Variants in MCCC1 observed in about 807,000 individuals in gnomAD.
The protein encoded by MCCC1 is methylcrotonoyl-CoA carboxylase subunit alpha, mitochondrial.
A neutral mutation model predicts 83.8 loss-of-function variants in MCCC1; 64 were observed. The observed-to-expected ratio is 0.76, with a 90% CI of 0.62 to 0.94. The LOEUF (loss-of-function observed/expected upper bound fraction) is 0.94, where lower values mean the gene tolerates loss of function less well. Ranked by LOEUF, MCCC1 falls within the 40% of genes least tolerant of loss-of-function variation. The pLI, the probability that MCCC1 is intolerant of heterozygous loss-of-function variation, is 0.00. For synonymous variants in MCCC1, 322 were observed against 315.4 expected, an observed-to-expected ratio of 1.02 and a Z score of -0.22; for missense variants, 807 against 904.7, an observed-to-expected ratio of 0.89 and a Z score of 1.39.
intron 9 of MCCC1, among the ~76,000 whole-genome samples, chr3:183,050,649 T>G (rs1252026503): frequency 7.5e-6 from 1 of 133,054 alleles, no homozygotes; most frequent in Non-Finnish European, 1.5e-5. Context: ...GAGGTTGCAG[T>G]GAGCCGAGAT....
intron 10 of MCCC1, among the ~76,000 whole-genome samples, chr3:183,045,130 G>C (rs1363492643): frequency 6.6e-6 from 1 of 151,006 alleles, no homozygotes; most frequent in Non-Finnish European, 1.5e-5. Context: ...ACCCAGGCTG[G>C]AATGCAGTGG....
chr3:183,086,106 C>A (rs1717874526), intron 4 of MCCC1, among the ~76,000 whole-genome samples: 1 of 152,214 alleles, frequency 6.6e-6, no homozygotes, highest in South Asian at 2.1e-4. Context: ...GGAACTAATT[C>A]CTAAACTAAG....
intron 1 of MCCC1, 161 bp downstream of exon 1, chr3:183,099,191 G>A: frequency 1.3e-6 from 1 of 755,502 alleles, no homozygotes; most frequent in Non-Finnish European, 2.2e-6. Context: ...TCTTCCTCCC[G>A]ACGCCGTGAC....
chr3:183,021,120 C>T (rs1428815306), intron 16 of MCCC1, among the ~76,000 whole-genome samples: 1 of 152,146 alleles, frequency 6.6e-6, no homozygotes, highest in Non-Finnish European at 1.5e-5. Flanking sequence ...GTCTGGAAGC[C>T]ATTTTCAGTA....
intron 4 of MCCC1, among the ~76,000 whole-genome samples, chr3:183,081,312 G>C (rs1468998267): frequency 1.3e-5 from 2 of 152,078 alleles, no homozygotes. Context: ...TGTTGAGATT[G>C]TTCATTGCAC....
chr3:183,065,281 T>C (rs548551416), intron 7 of MCCC1, among the ~76,000 whole-genome samples: 4 of 152,212 alleles, frequency 2.6e-5, no homozygotes, highest in Non-Finnish European at 5.9e-5. Context: ...CTTGTAACCA[T>C]GTGGCCTAGC....
intron 4 of MCCC1, among the ~76,000 whole-genome samples, chr3:183,079,140 T>C (rs939434115): frequency 6.6e-6 from 1 of 152,130 alleles, no homozygotes; most frequent in African/African-American, 2.4e-5. Flanking sequence ...TCCTCATCCC[T>C]CCTAAATCTC....
intron 1 of MCCC1, chr3:183,099,021 G>A: frequency 2.0e-6 from 1 of 496,902 alleles, no homozygotes; most frequent in Non-Finnish European, 3.7e-6. Flanking sequence ...CCTAAGGGGT[G>A]CTGCGAAAGC....
chr3:183,020,933 G>A (rs113125981), intron 16 of MCCC1, among the ~76,000 whole-genome samples: 7,884 of 151,976 alleles, frequency 0.052, 686 homozygotes, highest in African/African-American at 0.18. Flanking sequence ...GGTGGCGGGC[G>A]CCTGCAGTCC....
intron 8 of MCCC1, among the ~76,000 whole-genome samples, chr3:183,053,479 C>T (rs760832526): frequency 1.3e-5 from 2 of 151,878 alleles, no homozygotes; most frequent in African/African-American, 2.4e-5. Context: ...TACAGCAAGA[C>T]CCCATCTCAA....
At chr3:183,054,422 C>T (rs1240055497) in intron 8 of MCCC1, among the ~76,000 whole-genome samples, 5 of 150,468 alleles carry the variant, frequency 3.3e-5, no homozygotes, top group Middle Eastern at 3.3e-3. Context: ...CTCCTGACCT[C>T]GTGATTCACC....
chr3:183,101,937 G>A (rs1050230892), upstream of MCCC1, among the ~76,000 whole-genome samples: 4 of 151,970 alleles, frequency 2.6e-5, no homozygotes, highest in Non-Finnish European at 5.9e-5. Context: ...CTTCACTCCT[G>A]AGCCAGTGAG....
At chr3:183,035,296 A>T (rs2108465756) in intron 13 of MCCC1, among the ~76,000 whole-genome samples, 1 of 152,352 alleles carries the variant, frequency 6.6e-6, no homozygotes, top group African/African-American at 2.4e-5. Flanking sequence ...TCAATGTAAA[A>T]GGATAAAATG....
intron 15 of MCCC1, among the ~76,000 whole-genome samples, chr3:183,025,139 A>G (rs1297130920): frequency 6.6e-6 from 1 of 152,114 alleles, no homozygotes; most frequent in African/African-American, 2.4e-5. Context: ...TTCTCAGGGG[A>G]TGGGGGAAGA....
chr3:183,045,665 T>C (rs1001550051), intron 9 of MCCC1, 125 bp from the exon 10 acceptor site: 3 of 1,004,560 alleles, frequency 3.0e-6, no homozygotes, highest in Non-Finnish European at 4.6e-6. Context: ...TTGCATTTCA[T>C]GAAGAAAACA....
intron 1 of MCCC1, chr3:183,099,148 A>C: frequency 1.6e-6 from 1 of 620,372 alleles, no homozygotes; most frequent in Non-Finnish European, 2.9e-6. Context: ...GGATGTGCGG[A>C]AGCGGGGAGA....
rs144923427 is a variant in MCCC1, at chr3:183,091,834, T to C, written c.273+575A>G. Among the ~76,000 whole-genome samples the C allele has an allele frequency of 4.8e-3, 734 of 152,100 alleles. 4 individuals are homozygous for C. Among genetic ancestry groups the C allele is most frequent in the African/African-American group, 0.016 (682 of 41,490 alleles). Reference sequence around the variant, plus strand: ...TGGGCGGATCACGAGGTCAGCAGATTGAGACCATCCTGGCTAACACGGTGA... The same window carrying C: ...TGGGCGGATCACGAGGTCAGCAGATCGAGACCATCCTGGCTAACACGGTGA... On this transcript the variant is annotated intron_variant, in intron 3 of 18. Transcript: ENST00000265594.
At chr3:183,058,336 C>T (rs181901404) in intron 7 of MCCC1, among the ~76,000 whole-genome samples, 280 of 152,208 alleles carry the variant, frequency 1.8e-3, no homozygotes, top group African/African-American at 5.6e-3. Context: ...AAAAAAGGGC[C>T]GGGCACAGTG....
intron 4 of MCCC1, among the ~76,000 whole-genome samples, chr3:183,077,793 A>G (rs908754506): frequency 3.3e-5 from 5 of 152,108 alleles, no homozygotes; most frequent in Admixed American, 2.0e-4. Context: ...TTAAGGTGTG[A>G]GGCAAGAGTC....
Sources: gnomAD v4.1 joint callset for allele counts (sites outside exome capture counted in the v4.1 genomes callset) on GRCh38, gnomAD v4.1.1 for gene constraint, MANE v1.5 for transcripts, NCBI Gene and HGNC (gene_info 2026-07-23, HGNC 2026-07-21) for gene names.